The following PLEKHA7 variants were observed in gnomAD, a reference collection of about 807,000 sequenced individuals.
PLEKHA7 encodes the protein pleckstrin homology domain containing A7.
PLEKHA7 carries 104 observed loss-of-function variants against 170.0 expected under a neutral mutation model. That is an observed-to-expected ratio of 0.61 (90% CI 0.52 to 0.72). PLEKHA7 has a LOEUF of 0.72. Among genes scored for constraint, PLEKHA7 ranks in the 30% least tolerant of loss-of-function variants. The pLI is 0.00. For missense variants in PLEKHA7, 1,615 were observed against 1,671.7 expected (o/e 0.97, Z 0.59); for synonymous variants, 648 against 660.8 (o/e 0.98, Z 0.30).
chr11:16,968,534 T>C (rs1042736149), intron 3 of PLEKHA7, among the ~76,000 whole-genome samples: 4 of 152,178 alleles, frequency 2.6e-5, no homozygotes, highest in African/African-American at 7.2e-5. Flanking sequence ...CTGGGGTGGT[T>C]CACCCCATGC....
chr11:17,005,061 T>G (rs879779536), intron 3 of PLEKHA7, among the ~76,000 whole-genome samples: 2 of 152,196 alleles, frequency 1.3e-5, no homozygotes, highest in African/African-American at 2.4e-5. Context: ...ATTCCACATA[T>G]TGAGGCTGAA....
intron 3 of PLEKHA7, among the ~76,000 whole-genome samples, chr11:16,951,260 A>T (rs1000064402): frequency 6.6e-6 from 1 of 151,958 alleles, no homozygotes; most frequent in Non-Finnish European, 1.5e-5. Flanking sequence ...AGCCTCCTCC[A>T]TGCAGCATGG....
At chr11:16,931,745 T>G in intron 3 of PLEKHA7, among the ~76,000 whole-genome samples, 1 of 124,368 alleles carries the variant, frequency 8.0e-6, no homozygotes, top group African/African-American at 3.2e-5. Flanking sequence ...ACAGAGTGAA[T>G]GAGATTCCAT....
intron 12 of PLEKHA7, among the ~76,000 whole-genome samples, chr11:16,814,085 C>A (rs971931223): frequency 6.6e-6 from 1 of 152,142 alleles, no homozygotes; most frequent in East Asian, 1.9e-4. Flanking sequence ...ACAAACCACA[C>A]GAAGAGTTGA....
At chr11:16,965,980 C>T (rs1436862016) in intron 3 of PLEKHA7, among the ~76,000 whole-genome samples, 3 of 152,202 alleles carry the variant, frequency 2.0e-5, no homozygotes, top group East Asian at 1.9e-4. Flanking sequence ...GTCAGGAGTT[C>T]GAGACCAGCC....
chr11:16,909,183 TA>T (rs1389500519), intron 3 of PLEKHA7, among the ~76,000 whole-genome samples: 1 of 152,208 alleles, frequency 6.6e-6, no homozygotes, highest in African/African-American at 2.4e-5. Flanking sequence ...TTAATAACAC[TA>T]ATAATTAATA....
chr11:16,789,171 T>G lies in PLEKHA7; in HGVS notation c.3282A>C (p.Thr1094=). 1 of 1,612,598 alleles carries G rather than the reference T, an allele frequency of 6.2e-7. No individual in the cohort carries two copies. The highest frequency in any genetic ancestry group is 1.3e-5 in the African/African-American group (1 of 75,054). The change falls in exon 23 of 27, where the codon ACA becomes ACC. Residue 1094 remains threonine (T), a synonymous_variant. Coordinates refer to ENST00000531066, the MANE Select transcript of PLEKHA7 (RefSeq NM_001329630.2). The surrounding 1 kb of genome is among the most constrained non-coding windows in gnomAD (Gnocchi z 4.6). The part of the protein sequence containing the change: ...QKALVRERKR[T]LGQGERTGLP... ...GGCCCGTCCTCTCCCCTTGGCCCAG[T>G]GTCCTCTTGCGCTCTCGGACCAGGG... is the stretch of plus-strand genomic sequence containing the variant.
intron 26 of PLEKHA7, among the ~76,000 whole-genome samples, chr11:16,780,715 A>G (rs1166821117): frequency 6.6e-6 from 1 of 152,152 alleles, no homozygotes; most frequent in African/African-American, 2.4e-5. Context: ...AGCAGGGTGG[A>G]TTGCTCAGTC....
At chr11:16,998,958 CT>C (rs35318696) in intron 3 of PLEKHA7, among the ~76,000 whole-genome samples, 31,746 of 152,000 alleles carry the variant, frequency 0.21, 4,210 homozygotes, top group East Asian at 0.38. Flanking sequence ...CAATCCCCCA[CT>C]CACTCCCAAC....
chr11:16,801,215 G>C (rs1478000829), intron 16 of PLEKHA7, 140 bp from the exon 17 acceptor site: 1 of 737,120 alleles, frequency 1.4e-6, no homozygotes, highest in African/African-American at 1.7e-5. Flanking sequence ...GGGAGAGAGA[G>C]AGGAGCAGGA....
At chr11:16,946,832 C>T (rs1565144081) in intron 3 of PLEKHA7, among the ~76,000 whole-genome samples, 6 of 152,116 alleles carry the variant, frequency 3.9e-5, no homozygotes, top group East Asian at 1.9e-4. Flanking sequence ...AACACTCCCT[C>T]GGCCACCATT....
At chr11:16,984,495 C>A (rs759316580) in intron 3 of PLEKHA7, among the ~76,000 whole-genome samples, 77 of 152,142 alleles carry the variant, frequency 5.1e-4, no homozygotes, top group Non-Finnish European at 1.0e-4. Context: ...TGAGCTCCAT[C>A]CACTCTGGCC....
chr11:16,966,290 ATGTGTGTGTGTGTGTGTGTG>A (rs112176840), intron 3 of PLEKHA7, among the ~76,000 whole-genome samples: 2 of 149,026 alleles, frequency 1.3e-5, no homozygotes, highest in Non-Finnish European at 3.0e-5. Context: ...TTGTGCATGT[ATGTGTGTGTGTGTGTGTGTG>A]TGTGTGTGTG....
intron 9 of PLEKHA7, among the ~76,000 whole-genome samples, chr11:16,839,327 TAG>T (rs1397227573): frequency 6.6e-6 from 1 of 151,782 alleles, no homozygotes; most frequent in Non-Finnish European, 1.5e-5. Flanking sequence ...AACCTGATTA[TAG>T]AGATTACCTT....
intron 3 of PLEKHA7, among the ~76,000 whole-genome samples, chr11:16,883,228 C>A (rs1855841503): frequency 6.6e-6 from 1 of 152,126 alleles, no homozygotes. Context: ...CAGAAGTTGG[C>A]AAGCTTCGAA....
Position 16,854,996 on chromosome 11 carries a change from A to T in PLEKHA7, c.418-3T>A. 1 of 1,613,178 alleles carries T rather than the reference A, an allele frequency of 6.2e-7. No homozygotes were observed. ...ACTTTACTGCTGGACTTTATGATCTATGAAAAAGCAGACTGAACTTTAGCA... is the reference window on the plus strand; with the variant it reads ...ACTTTACTGCTGGACTTTATGATCTTTGAAAAAGCAGACTGAACTTTAGCA... On this transcript the variant is annotated splice_region_variant and splice_polypyrimidine_tract_variant and intron_variant, in intron 5 of 26. Coordinates refer to ENST00000531066, the MANE Select transcript of PLEKHA7 (RefSeq NM_001329630.2).
intron 9 of PLEKHA7, among the ~76,000 whole-genome samples, chr11:16,835,650 T>C (rs1851455886): frequency 6.6e-6 from 1 of 152,196 alleles, no homozygotes; most frequent in Non-Finnish European, 1.5e-5. Flanking sequence ...TTAATCCTTG[T>C]AGCAAGCCTA....
rs61881983 is a variant in PLEKHA7, at chr11:16,791,978, C to G, written c.2746-779G>C. 8.8e-3 allele frequency among the ~76,000 whole-genome samples: 1,346 copies of G among 152,306 alleles called. 7 individuals are homozygous for G. The highest frequency in any genetic ancestry group is 0.015 in the Non-Finnish European group (990 of 68,024). On this transcript the variant is annotated intron_variant, in intron 19 of 26. Transcript: ENST00000531066. The surrounding 1 kb of genome is among the most constrained non-coding windows in gnomAD (Gnocchi z 4.5). Reference sequence around the variant, plus strand: ...ATGCCTTCCACCTCCTAAATTCCCTCTTTCTCGGTCTAATTTGGTTTTGTT... The same window carrying G: ...ATGCCTTCCACCTCCTAAATTCCCTGTTTCTCGGTCTAATTTGGTTTTGTT...
rs137974477 is a variant in PLEKHA7 at position 16,920,811 on chromosome 11, C to T, written c.222-49629G>A. ...GCCGTGGAAACTCTTTCTTTGCTAA[C>T]CAGAGCCCTAGAATCTCTTAAGCAC... On this transcript the variant is annotated intron_variant, in intron 3 of 26. Transcript: ENST00000531066. Among the ~76,000 whole-genome samples the T allele has an allele frequency of 1.9e-3, 284 of 152,336 alleles. 3 individuals carry two copies. Among genetic ancestry groups the T allele is most frequent in the African/African-American group, 6.5e-3 (270 of 41,576 alleles).
Sources: gnomAD v4.1 joint callset for allele counts (sites outside exome capture counted in the v4.1 genomes callset) on GRCh38, gnomAD v4.1.1 for gene constraint, Gnocchi (gnomAD v3.1) non-coding constraint, MANE v1.5 for transcripts, NCBI Gene and HGNC (gene_info 2026-07-23, HGNC 2026-07-21) for gene names.